Variants in COLEC12 observed in about 807,000 individuals in gnomAD.
The protein encoded by COLEC12 is collectin subfamily member 12.
In COLEC12, 33 loss-of-function variants were observed where a neutral mutation model predicts 71.1. That is an observed-to-expected ratio of 0.46 (90% CI 0.35 to 0.62). The LOEUF (loss-of-function observed/expected upper bound fraction) is 0.62, where lower values mean the gene tolerates loss of function less well. Among genes scored for constraint, COLEC12 ranks in the 20% least tolerant of loss-of-function variants. The probability of loss-of-function intolerance (pLI) is 0.00; values close to 1 mark genes in which losing one functional copy is unlikely to be tolerated. For missense variants in COLEC12, 765 were observed against 916.1 expected (o/e 0.84, Z 2.13); for synonymous variants, 350 against 353.0 (o/e 0.99, Z 0.10).
At chr18:371,831 T>C (rs896415633) in intron 2 of COLEC12, among the ~76,000 whole-genome samples, 8 of 152,086 alleles carry the variant, frequency 5.3e-5, no homozygotes, top group Non-Finnish European at 1.2e-4. Flanking sequence ...CTGTTCCTAA[T>C]AAAGAACAGG....
intron 2 of COLEC12, among the ~76,000 whole-genome samples, chr18:371,834 AG>A (rs1379594958): frequency 6.6e-6 from 1 of 152,198 alleles, no homozygotes; most frequent in African/African-American, 2.4e-5. Flanking sequence ...TTCCTAATAA[AG>A]AACAGGTTCA....
At chr18:332,831 C>G (rs1284762935) in intron 7 of COLEC12, among the ~76,000 whole-genome samples, 176 bp downstream of exon 7, 7 of 152,218 alleles carry the variant, frequency 4.6e-5, no homozygotes, top group Admixed American at 3.9e-4. Flanking sequence ...GATACAATTC[C>G]AATGCCACGA....
chr18:368,656 A>T (rs1028858086), intron 2 of COLEC12, among the ~76,000 whole-genome samples: 3 of 152,052 alleles, frequency 2.0e-5, no homozygotes, highest in African/African-American at 4.8e-5. Context: ...TGAGGTCAGG[A>T]GATCGAGACC....
Position 483,915 on chromosome 18 carries a change from G to A in COLEC12, c.8-3158C>T, listed in dbSNP as rs116117099. ...CAGCATCAGTGGTACCCAGACATCCGTGCCCTTGGCCAGCTCTATCCTTTC... is the reference window on the plus strand; with the variant it reads ...CAGCATCAGTGGTACCCAGACATCCATGCCCTTGGCCAGCTCTATCCTTTC... On this transcript the variant is annotated intron_variant, in intron 1 of 9. Coordinates refer to ENST00000400256, the MANE Select transcript of COLEC12 (RefSeq NM_130386.3). 5.8e-3 allele frequency among the ~76,000 whole-genome samples: 879 copies of A among 152,246 alleles called. 7 individuals are homozygous for A. Among genetic ancestry groups the A allele is most frequent in the African/African-American group, 0.02 (842 of 41,536 alleles).
chr18:398,601 AC>A (rs1326107570), intron 2 of COLEC12, among the ~76,000 whole-genome samples: 1 of 152,232 alleles, frequency 6.6e-6, no homozygotes, highest in Non-Finnish European at 1.5e-5. Context: ...CAGGCAACTG[AC>A]TGTCAGTGGG....
At chr18:459,002 T>C (rs1013570844) in intron 2 of COLEC12, among the ~76,000 whole-genome samples, 2 of 150,746 alleles carry the variant, frequency 1.3e-5, no homozygotes, top group South Asian at 2.1e-4. Context: ...TCCAGGCTAA[T>C]TTTTTTATTT....
rs1555611780 is a variant in COLEC12 at position 319,329 on chromosome 18, A to ATATATATATAT, written c.*715_*716insATATATATATA. On this transcript the variant is annotated 3_prime_UTR_variant, in exon 10 of 10. Coordinates refer to ENST00000400256, the MANE Select transcript of COLEC12 (RefSeq NM_130386.3). ...CTGAGGAAATGAAACATTAAAAAAA[A>ATATATATATAT]AAAAAAAAAAAAATATATATATATA... 9 of 29,428 alleles carry ATATATATATAT rather than the reference A, an allele frequency of 3.1e-4. No individual in the cohort carries two copies. Among genetic ancestry groups the ATATATATATAT allele is most frequent in the South Asian group, 1.2e-3 (1 of 806 alleles). 1.8% of individuals were successfully genotyped at this position (29,428 alleles called of 1,614,324 possible).
intron 2 of COLEC12, among the ~76,000 whole-genome samples, chr18:411,968 G>A (rs1354332633): frequency 1.3e-5 from 2 of 152,056 alleles, no homozygotes; most frequent in Non-Finnish European, 2.9e-5. Context: ...AGGGATTTGT[G>A]GACTATAACA....
intron 5 of COLEC12, among the ~76,000 whole-genome samples, chr18:341,814 T>C (rs1200277206): frequency 6.6e-6 from 1 of 152,132 alleles, no homozygotes; most frequent in Admixed American, 6.5e-5. Flanking sequence ...GGTACATGAA[T>C]CCAGCTCTGT....
At chr18:447,657 C>A (rs1418288259) in intron 2 of COLEC12, among the ~76,000 whole-genome samples, 1 of 152,170 alleles carries the variant, frequency 6.6e-6, no homozygotes. Flanking sequence ...CCCAGTTTCT[C>A]CTTCTGTAAA....
chr18:424,959 C>T (rs909682961), intron 2 of COLEC12, among the ~76,000 whole-genome samples: 2 of 152,100 alleles, frequency 1.3e-5, no homozygotes, highest in Non-Finnish European at 2.9e-5. Flanking sequence ...AGGAGGCGAG[C>T]CGGGCGGCCT....
chr18:436,654 T>C (rs1424878833), intron 2 of COLEC12, among the ~76,000 whole-genome samples: 1 of 151,666 alleles, frequency 6.6e-6, no homozygotes, highest in African/African-American at 2.4e-5. Context: ...AGGCCTTACT[T>C]CCAATCTATC....
intron 2 of COLEC12, among the ~76,000 whole-genome samples, chr18:469,202 A>G (rs1917146469): frequency 6.6e-6 from 1 of 152,224 alleles, no homozygotes; most frequent in Non-Finnish European, 1.5e-5. Context: ...TTATTTGGAA[A>G]CCATTGAAGC....
Position 452,853 on chromosome 18 carries a change from G to A in COLEC12, c.58+27854C>T, listed in dbSNP as rs541819225. On this transcript the variant is annotated intron_variant, in intron 2 of 9. Transcript: ENST00000400256. ...CTTTGGCCACAGGTGCTTCCAAGTG[G>A]AGCACAGGGCAGCTAAGGAGGTGGG... Among the ~76,000 whole-genome samples the A allele has an allele frequency of 3.1e-3, 470 of 152,350 alleles. 1 individual carries two copies. Among genetic ancestry groups the A allele is most frequent in the Non-Finnish European group, 5.4e-3 (370 of 68,038 alleles).
chr18:391,007 A>G (rs1293939488), intron 2 of COLEC12, among the ~76,000 whole-genome samples: 1 of 152,166 alleles, frequency 6.6e-6, no homozygotes, highest in Non-Finnish European at 1.5e-5. Context: ...CCCATGGGGA[A>G]CTGGTCCGCT....
intron 2 of COLEC12, among the ~76,000 whole-genome samples, chr18:448,524 T>C (rs2094816974): frequency 6.6e-6 from 1 of 152,224 alleles, no homozygotes; most frequent in Non-Finnish European, 1.5e-5. Flanking sequence ...AGGCTTTTCA[T>C]AATATATGAG....
chr18:496,131 G>A (rs1368542135), intron 1 of COLEC12, among the ~76,000 whole-genome samples: 1 of 152,164 alleles, frequency 6.6e-6, no homozygotes, highest in African/African-American at 2.4e-5. Flanking sequence ...TTTGGCAGCG[G>A]TTGCAAGAGT....
chr18:491,195 G>A (rs920617886), intron 1 of COLEC12, among the ~76,000 whole-genome samples: 3 of 152,180 alleles, frequency 2.0e-5, no homozygotes, highest in Non-Finnish European at 4.4e-5. Flanking sequence ...ACTCTCCACT[G>A]ACCAGTGCTC....
In COLEC12 at chr18:495,674, G is replaced by A. The variant is rs111447734; in HGVS notation, c.7+4834C>T. ...TACAGTTCTAAGTCCGGATGATAGC[G>A]CCTTGTCTACGTTGCTCACTCAGTA... is the stretch of plus-strand genomic sequence containing the variant. On this transcript the variant is annotated intron_variant, in intron 1 of 9. Transcript: ENST00000400256. Among the ~76,000 whole-genome samples, 39 of 152,302 alleles carry A rather than the reference G, an allele frequency of 2.6e-4. 1 individual carries two copies. The South Asian group carries it at 6.8e-3, about 27-fold the overall frequency.
Sources: gnomAD v4.1 joint callset for allele counts (sites outside exome capture counted in the v4.1 genomes callset) on GRCh38, gnomAD v4.1.1 for gene constraint, MANE v1.5 for transcripts, NCBI Gene and HGNC (gene_info 2026-07-23, HGNC 2026-07-21) for gene names.